Variants in RAB3GAP2 observed in about 807,000 individuals in gnomAD.
The protein encoded by RAB3GAP2 is RAB3 GTPase activating non-catalytic protein subunit 2, also known as rab3 GTPase-activating protein non-catalytic subunit.
In RAB3GAP2, 87 loss-of-function variants were observed where a neutral mutation model predicts 185.3. That is an observed-to-expected ratio of 0.47 (90% confidence interval 0.39 to 0.56). RAB3GAP2 has a LOEUF of 0.56. RAB3GAP2 is among the 20% of genes least tolerant of loss of function. RAB3GAP2 has a pLI of 0.00. For missense variants in RAB3GAP2, 1,492 were observed against 1,638.2 expected (o/e 0.91, Z 1.54); for synonymous variants, 554 against 576.1 (o/e 0.96, Z 0.55).
chr1:220,217,608 ATAT>A (rs984743100), intron 2 of RAB3GAP2, among the ~76,000 whole-genome samples: 2 of 152,120 alleles, frequency 1.3e-5, no homozygotes, highest in African/African-American at 4.8e-5. Flanking sequence ...CCTATGGCTT[ATAT>A]TATTTTTCAC....
chr1:220,191,517 C>A (rs1658619746), intron 13 of RAB3GAP2, among the ~76,000 whole-genome samples: 1 of 152,092 alleles, frequency 6.6e-6, no homozygotes, highest in Non-Finnish European at 1.5e-5. Context: ...ACCACTTTTT[C>A]TCTTTAAAAA....
chr1:220,246,796 G>A (rs1216402177), intron 1 of RAB3GAP2, among the ~76,000 whole-genome samples: 2 of 141,680 alleles, frequency 1.4e-5, no homozygotes, highest in African/African-American at 2.6e-5. Flanking sequence ...GGGAGGGATA[G>A]CATTGGGAGA....
chr1:220,214,961 T>TATATATATATATATATATATATATATAA (rs1214143846), intron 2 of RAB3GAP2, among the ~76,000 whole-genome samples: 3 of 143,070 alleles, frequency 2.1e-5, no homozygotes, highest in African/African-American at 7.7e-5. Context: ...TATATATATA[T>TATATATATATATATATATATATATATAA]ATATATATAT....
intron 1 of RAB3GAP2, chr1:220,266,638 T>A (rs778861436): frequency 6.0e-6 from 8 of 1,334,638 alleles, no homozygotes; most frequent in Non-Finnish European, 8.6e-6. Flanking sequence ...AAATAAATTT[T>A]GGTAGCATGT....
At chr1:220,185,868 T>C (rs1435239072) in intron 17 of RAB3GAP2, 127 bp from the exon 18 acceptor site, 1 of 690,948 alleles carries the variant, frequency 1.4e-6, no homozygotes, top group Non-Finnish European at 2.5e-6. Context: ...TAAGATGTTT[T>C]AGTGTACATA....
Position 220,253,583 on chromosome 1 carries a change from A to G in RAB3GAP2, c.115+18640T>C. The G allele has an allele frequency of 3.8e-6, 6 of 1,582,054 alleles. No individual in the cohort carries two copies. In the South Asian group the frequency reaches 5.5e-5, roughly 15 times the overall value. The stretch of plus-strand genomic sequence containing the variant: ...AATCACTTATAAATGGCGCGGAAGC[A>G]GGACCCGAAGCCTAAATTCCAGGAG... On this transcript the variant is annotated intron_variant, in intron 1 of 34. Coordinates refer to ENST00000358951, the MANE Select transcript of RAB3GAP2 (RefSeq NM_012414.4).
intron 1 of RAB3GAP2, among the ~76,000 whole-genome samples, chr1:220,258,183 C>A (rs1660064998): frequency 6.6e-6 from 1 of 152,156 alleles, no homozygotes; most frequent in Non-Finnish European, 1.5e-5. Context: ...GGTACCATTT[C>A]TACTGAAACT....
intron 24 of RAB3GAP2, among the ~76,000 whole-genome samples, chr1:220,170,218 G>A (rs1257738703): frequency 1.3e-5 from 2 of 152,164 alleles, no homozygotes; most frequent in African/African-American, 4.8e-5. Flanking sequence ...AGTTGAAAAT[G>A]AGAACACATG....
chr1:220,151,164 A>G lies in RAB3GAP2; in HGVS notation c.*87T>C. The G allele has an allele frequency of 7.3e-7, 1 of 1,364,102 alleles. No individual in the cohort carries two copies. Among genetic ancestry groups the G allele is most frequent in the Admixed American group, 2.1e-5 (1 of 47,944 alleles). The allele number at this position is 1,364,102 out of a possible 1,614,324, so 84.5% of individuals were successfully genotyped here. A position where few individuals can be genotyped will look rare whatever the true frequency, so the allele number is the denominator to read the frequency against. On this transcript the variant is annotated 3_prime_UTR_variant, in exon 35 of 35. Transcript: ENST00000358951. ...GGAAAAAAAAAGACATACTTTTCCC[A>G]TAAAATTCCAGGTCTTACTATGTAA... is the stretch of plus-strand genomic sequence containing the variant.
At chr1:220,239,670 G>C (rs1659655724) in intron 1 of RAB3GAP2, among the ~76,000 whole-genome samples, 1 of 152,086 alleles carries the variant, frequency 6.6e-6, no homozygotes. Flanking sequence ...GAATAGTATA[G>C]TATTTTGTTT....
chr1:220,210,326 AG>A, intron 7 of RAB3GAP2, 61 bp downstream of exon 7: 1 of 1,198,134 alleles, frequency 8.3e-7, no homozygotes, highest in East Asian at 2.3e-5. Flanking sequence ...CCTAAAAAAG[AG>A]GAGAGAAACT....
chr1:220,172,359 T>C (rs962961572), intron 22 of RAB3GAP2, among the ~76,000 whole-genome samples: 4 of 152,210 alleles, frequency 2.6e-5, no homozygotes, highest in South Asian at 2.1e-4. Context: ...AAGAAAAACA[T>C]TGCCTTCCCC....
intron 1 of RAB3GAP2, among the ~76,000 whole-genome samples, chr1:220,248,679 C>CT (rs929041087): frequency 3.3e-5 from 5 of 150,890 alleles, no homozygotes; most frequent in Admixed American, 6.6e-5. Context: ...AACCCTAAGA[C>CT]TTTTTTTGAA....
In RAB3GAP2 at chr1:220,158,740, C is replaced by A. The variant is rs1333343889; in HGVS notation, c.3261+646G>T. The stretch of plus-strand genomic sequence containing the variant: ...ACAGGCGTGAGCCACCGCGCCCTGC[C>A]ATATAATCTTTTTAAAACCAACAAT... On this transcript the variant is annotated intron_variant, in intron 29 of 34. Transcript: ENST00000358951. The surrounding 1 kb of genome is among the most constrained non-coding windows in gnomAD (Gnocchi z 4.3). 6.8e-6 allele frequency among the ~76,000 whole-genome samples: 1 copy of A among 146,938 alleles called. No homozygotes were observed. The highest frequency in any genetic ancestry group is 1.5e-5 in the Non-Finnish European group (1 of 67,602).
intron 26 of RAB3GAP2, among the ~76,000 whole-genome samples, chr1:220,165,524 G>A (rs1249346555): frequency 6.6e-6 from 1 of 151,878 alleles, no homozygotes; most frequent in Non-Finnish European, 1.5e-5. Flanking sequence ...TATCATCATT[G>A]CCAATACACA....
At chr1:220,242,585 T>C (rs1343119297) in intron 1 of RAB3GAP2, among the ~76,000 whole-genome samples, 1 of 151,918 alleles carries the variant, frequency 6.6e-6, no homozygotes, top group Non-Finnish European at 1.5e-5. Flanking sequence ...ACTGTGTCAA[T>C]GTAGCATAAC....
At chr1:220,241,870 T>G (rs1659703832) in intron 1 of RAB3GAP2, among the ~76,000 whole-genome samples, 1 of 151,966 alleles carries the variant, frequency 6.6e-6, no homozygotes, top group Non-Finnish European at 1.5e-5. Context: ...ATTATTTATT[T>G]TTTATATCCA....
chr1:220,162,119 C>T, intron 28 of RAB3GAP2, 79 bp downstream of exon 28: 1 of 1,131,860 alleles, frequency 8.8e-7, no homozygotes, highest in South Asian at 1.3e-5. Context: ...CTAACAAAGC[C>T]TAATGTGAAC....
intron 10 of RAB3GAP2, 184 bp downstream of exon 10, chr1:220,196,066 G>C (rs1240171747): frequency 3.0e-6 from 2 of 671,196 alleles, no homozygotes; most frequent in African/African-American, 3.6e-5. Context: ...ACTGATGGTA[G>C]TACCTTTTCA....
Sources: allele counts gnomAD v4.1 joint callset (sites outside exome capture counted in the v4.1 genomes callset), GRCh38; gene constraint gnomAD v4.1.1; non-coding constraint Gnocchi (gnomAD v3.1); transcripts MANE v1.5; gene names NCBI Gene and HGNC (gene_info 2026-07-23, HGNC 2026-07-21).